ITGA3: variants seen among roughly 807,000 people sequenced by gnomAD.
The protein encoded by ITGA3 is integrin alpha-3.
ITGA3 carries 70 observed loss-of-function variants against 131.1 expected under a neutral mutation model. That is an observed-to-expected ratio of 0.53 (90% CI 0.44 to 0.65). The LOEUF (loss-of-function observed/expected upper bound fraction) is 0.65. Among genes scored for constraint, ITGA3 ranks in the 30% least tolerant of loss-of-function variants. The pLI, the probability that ITGA3 is intolerant of heterozygous loss-of-function variation, is 0.00. For synonymous variants in ITGA3, 537 were observed against 571.6 expected (o/e 0.94, Z 0.86); for missense variants, 1,098 against 1,388.6 (o/e 0.79, Z 3.33).
In ITGA3 at chr17:50,064,984, C is replaced by G. The variant is rs1022536708; in HGVS notation, c.414+377C>G. 5.7e-6 allele frequency: 1 copy of G among 174,292 alleles called. No individual in the cohort carries two copies. The highest frequency in any genetic ancestry group is 2.4e-5 in the African/African-American group (1 of 41,998). 10.8% of individuals were successfully genotyped at this position (174,292 alleles called of 1,614,324 possible). A position where few individuals can be genotyped will look rare whatever the true frequency, so the allele number is the denominator to read the frequency against. On this transcript the variant is annotated intron_variant, in intron 3 of 25. Coordinates refer to ENST00000320031, the MANE Select transcript of ITGA3 (RefSeq NM_002204.4). This position sits in a 1 kb window ranked among gnomAD's most constrained non-coding sequence, Gnocchi z 4.4. ...CGCTCCTTCCTGGGAGGCTGACTGC[C>G]GGAAGAGGCCCAGCCCTGCTGACCC... is the stretch of plus-strand genomic sequence containing the variant.
In ITGA3 at chr17:50,056,970, C is replaced by T. The variant is rs1460266021; in HGVS notation, c.206+325C>T. Among the ~76,000 whole-genome samples, 1 of 152,182 alleles carries T rather than the reference C, an allele frequency of 6.6e-6. No individual in the cohort carries two copies. Among genetic ancestry groups the T allele is most frequent in the Non-Finnish European group, 1.5e-5 (1 of 68,026 alleles). On this transcript the variant is annotated intron_variant, in intron 1 of 25. Coordinates refer to ENST00000320031, the MANE Select transcript of ITGA3 (RefSeq NM_002204.4). This position sits in a 1 kb window ranked among gnomAD's most constrained non-coding sequence, Gnocchi z 5.6. ...GTACCCAGCACTAGCCTGTTCTCTC[C>T]AGGGCTGGGAGCTGGGGTAAACTGC...
At chr17:50,058,508 A>G (rs1176169172) in intron 1 of ITGA3, among the ~76,000 whole-genome samples, 1 of 152,188 alleles carries the variant, frequency 6.6e-6, no homozygotes, top group Non-Finnish European at 1.5e-5. Context: ...CTCATTACCC[A>G]TGGGCCCCGC....
Position 50,079,508 on chromosome 17 carries a change from C to G in ITGA3, c.2657C>G (p.Pro886Arg). Residue 886 changes from proline (P) to arginine (R), a missense_variant, in exon 21 of 26, where the codon CCA becomes CGA. Pro to Arg is a moderately radical substitution (Grantham distance 103). Transcript: ENST00000320031. ...GATCCAGGGGGAGGCCAGGGCCCCC[C>G]ACCTGTCACTCTGGCTGCTGCCAAA... ...QLDPGGGQGP[P>R]PVTLAAAKKA... 1 of 1,576,472 alleles carries G rather than the reference C, an allele frequency of 6.3e-7. No individual in the cohort carries two copies. Among genetic ancestry groups the G allele is most frequent in the South Asian group, 1.2e-5 (1 of 85,750 alleles).
chr17:50,063,909 T>A, intron 1 of ITGA3, 168 bp from the exon 2 acceptor site: 1 of 883,490 alleles, frequency 1.1e-6, no homozygotes, highest in Non-Finnish European at 1.7e-6. Flanking sequence ...TTCCTTCTAG[T>A]GTCTTTTTTC....
chr17:50,076,888 T>C, intron 14 of ITGA3, 86 bp from the exon 15 acceptor site: 6 of 1,476,478 alleles, frequency 4.1e-6, no homozygotes, highest in South Asian at 3.8e-5. Flanking sequence ...TTTTCTCACC[T>C]AGGAGACCCC....
chr17:50,087,616 C>A, intron 23 of ITGA3, 128 bp from the exon 24 acceptor site: 2 of 1,063,696 alleles, frequency 1.9e-6, no homozygotes, highest in Non-Finnish European at 2.7e-6. Flanking sequence ...CAGGCTTTTT[C>A]CAGTCCCAGG....
intron 23 of ITGA3, among the ~76,000 whole-genome samples, chr17:50,083,608 C>T (rs973057532): frequency 1.3e-5 from 2 of 150,890 alleles, no homozygotes; most frequent in Non-Finnish European, 2.9e-5. Flanking sequence ...CCTGTAGTCC[C>T]AGCTACTTGG....
rs1427697087 is a variant in ITGA3, at chr17:50,079,394, C to A, written c.2584-41C>A. On this transcript the variant is annotated intron_variant, in intron 20 of 25. Transcript: ENST00000320031. Reference sequence around the variant, plus strand: ...CTTTCCTGCAACCCTGCTCCCAATTCTTCCTCTGCCCTGCCAGCAAATCTC... The same window carrying A: ...CTTTCCTGCAACCCTGCTCCCAATTATTCCTCTGCCCTGCCAGCAAATCTC... 3.9e-6 allele frequency: 6 copies of A among 1,549,032 alleles called. No homozygotes were observed. The East Asian group carries it at 1.4e-4, about 35-fold the overall frequency.
At chr17:50,076,755 G>A (rs1908926482) in intron 14 of ITGA3, 74 bp downstream of exon 14, 1 of 1,352,634 alleles carries the variant, frequency 7.4e-7, no homozygotes, top group Non-Finnish European at 1.1e-6. Context: ...GGGTGGGGGC[G>A]GGGCCTCATG....
At position 50,076,645 on chromosome 17, in the gene ITGA3, C is replaced by CA; in HGVS notation, c.1887dup (p.Ala630SerfsTer68). On this transcript the variant is annotated frameshift_variant, in exon 14 of 26. Transcript: ENST00000320031. LOFTEE classifies it high-confidence loss of function. ...TGTGAGAGCAACTTGCAGATGCGGGCAGCCTTCGTGTCAGAGCAGCAGCAG... is the reference window on the plus strand; with the variant it reads ...TGTGAGAGCAACTTGCAGATGCGGGCAAGCCTTCGTGTCAGAGCAGCAGCAG... The CA allele has an allele frequency of 6.2e-7, 1 of 1,613,572 alleles. No homozygotes were observed. Among genetic ancestry groups the CA allele is most frequent in the Non-Finnish European group, 8.5e-7 (1 of 1,179,890 alleles).
chr17:50,073,344 C>T (rs189154021), intron 7 of ITGA3, among the ~76,000 whole-genome samples: 1 of 152,292 alleles, frequency 6.6e-6, no homozygotes, highest in Non-Finnish European at 1.5e-5. Context: ...CTTTTCTACA[C>T]TCATTAGTTG....
At chr17:50,078,393 T>C in intron 18 of ITGA3, 109 bp downstream of exon 18, 1 of 783,742 alleles carries the variant, frequency 1.3e-6, no homozygotes, top group South Asian at 1.7e-5. Flanking sequence ...TGGCCCAGTG[T>C]CCTCAGGCCT....
At position 50,078,912 on chromosome 17, in the gene ITGA3, A is replaced by G. The variant is rs200176117; in HGVS notation, c.2386A>G (p.Lys796Glu). Residue 796 changes from lysine (K) to glutamate (E), a missense_variant, in exon 19 of 26, where the codon AAG becomes GAG. Coordinates refer to ENST00000320031, the MANE Select transcript of ITGA3 (RefSeq NM_002204.4). Reference protein sequence around the residue: ...KTVEDVGSPLKYEFQVGPMGE... With the variant: ...KTVEDVGSPLEYEFQVGPMGE... ...TGTGGAGGATGTAGGAAGCCCCCTC[A>G]AGTATGAATTCCAGGTAAGGGGCTC... is the stretch of plus-strand genomic sequence containing the variant. 1.2e-6 allele frequency: 2 copies of G among 1,606,950 alleles called. No homozygotes were observed. Among genetic ancestry groups the G allele is most frequent in the Non-Finnish European group, 1.7e-6 (2 of 1,173,524 alleles).
At position 50,073,972 on chromosome 17, in the gene ITGA3, A is replaced by G; in HGVS notation, c.1213A>G (p.Ser405Gly). ...GGGCAAAGTGTACATCTATCACAGT[A>G]GCTCTAAGGGGCTCCTTAGACAGCC... ...GLGKVYIYHS[S>G]SKGLLRQPQQ... The change falls in exon 8 of 26, where the codon AGC becomes GGC. Residue 405 changes from serine to glycine, a missense_variant. Ser to Gly is a moderately conservative substitution (Grantham distance 56). This residue lies in a region of ITGA3 where 356 missense variants were observed against 529.2 expected (regional missense o/e 0.67). Coordinates refer to ENST00000320031, the MANE Select transcript of ITGA3 (RefSeq NM_002204.4). 1 of 1,614,040 alleles carries G rather than the reference A, an allele frequency of 6.2e-7. No individual in the cohort carries two copies. The highest frequency in any genetic ancestry group is 1.3e-5 in the African/African-American group (1 of 75,046).
chr17:50,062,765 A>G (rs1388282609), intron 1 of ITGA3, among the ~76,000 whole-genome samples: 1 of 152,212 alleles, frequency 6.6e-6, no homozygotes, highest in Non-Finnish European at 1.5e-5. Flanking sequence ...GTTGCTTGGC[A>G]CTTCCAGACT....
intron 4 of ITGA3, 76 bp from the exon 5 acceptor site, chr17:50,070,768 G>A: frequency 2.6e-6 from 2 of 764,696 alleles, no homozygotes; most frequent in Non-Finnish European, 4.3e-6. Flanking sequence ...GTGGGGGTGG[G>A]CTGGACATGG....
rs1254346015 is a variant in ITGA3 at position 50,056,472 on chromosome 17, C to G, written c.33C>G (p.Ala11=). 6.5e-7 allele frequency: 1 copy of G among 1,547,412 alleles called. No individual in the cohort carries two copies. The highest frequency in any genetic ancestry group is 1.2e-5 in the South Asian group (1 of 83,820). The change falls in exon 1 of 26, where the codon GCC becomes GCG. Residue 11 remains alanine, a synonymous_variant. Coordinates refer to ENST00000320031, the MANE Select transcript of ITGA3 (RefSeq NM_002204.4). This position sits in a 1 kb window ranked among gnomAD's most constrained non-coding sequence, Gnocchi z 5.6. The part of the protein sequence containing the change: MGPGPSRAPR[A]PRLMLCALAL... ...CCGGCCCCAGCCGCGCGCCCCGCGC[C>G]CCACGCCTGATGCTCTGTGCGCTCG...
chr17:50,079,041 G>A (rs1909056227), intron 19 of ITGA3, 35 bp from the exon 20 acceptor site: 1 of 1,599,438 alleles, frequency 6.3e-7, no homozygotes, highest in Admixed American at 1.7e-5. Flanking sequence ...TGGTTTTCCA[G>A]GAGATAATGA....
intron 23 of ITGA3, among the ~76,000 whole-genome samples, chr17:50,085,748 G>T (rs372276415): frequency 1.9e-5 from 1 of 52,850 alleles, no homozygotes; most frequent in Non-Finnish European, 5.5e-5. Flanking sequence ...ATACATTATA[G>T]ATTTATAATA....
Sources: allele counts gnomAD v4.1 joint callset (sites outside exome capture counted in the v4.1 genomes callset), GRCh38; gene constraint gnomAD v4.1.1; regional missense constraint gnomAD v4.1.1; non-coding constraint Gnocchi (gnomAD v3.1); transcripts MANE v1.5; gene names NCBI Gene and HGNC (gene_info 2026-07-23, HGNC 2026-07-21).